Variants in LGR4 observed in about 807,000 individuals in gnomAD.
The protein encoded by LGR4 is leucine rich repeat containing G protein-coupled receptor 4.
In LGR4, 44 loss-of-function variants were observed where a neutral mutation model predicts 84.8. The ratio of observed to expected loss-of-function variants is 0.52; its 90% CI spans 0.41 to 0.67. The LOEUF is 0.67. LGR4 is among the 30% of genes least tolerant of loss of function. The probability of loss-of-function intolerance (pLI) is 0.00; values close to 1 mark genes in which losing one functional copy is unlikely to be tolerated. For missense variants in LGR4, 1,032 were observed against 1,131.4 expected, an observed-to-expected ratio of 0.91 and a Z score of 1.26; for synonymous variants, 429 against 434.3, an observed-to-expected ratio of 0.99 and a Z score of 0.15.
At chr11:27,376,030 G>A (rs1286739987) in intron 13 of LGR4, among the ~76,000 whole-genome samples, 2 of 147,246 alleles carry the variant, frequency 1.4e-5, no homozygotes, top group African/African-American at 2.5e-5. Context: ...AGCCTGGAGT[G>A]CAATGGCACA....
intron 1 of LGR4, among the ~76,000 whole-genome samples, chr11:27,450,094 T>A (rs1310756748): frequency 1.3e-5 from 2 of 152,248 alleles, no homozygotes; most frequent in Non-Finnish European, 2.9e-5. Flanking sequence ...AGTATTTTTA[T>A]TGTATAATAT....
intron 4 of LGR4, among the ~76,000 whole-genome samples, chr11:27,389,880 T>C (rs996162039): frequency 1.3e-5 from 2 of 152,118 alleles, no homozygotes; most frequent in Non-Finnish European, 2.9e-5. Flanking sequence ...CATACCCAAT[T>C]AGCTGTGGTG....
chr11:27,463,305 C>T (rs931808078), intron 1 of LGR4, among the ~76,000 whole-genome samples: 1 of 151,732 alleles, frequency 6.6e-6, no homozygotes. Context: ...GATGACATGA[C>T]CATGGACTCA....
chr11:27,413,243 G>A (rs1262683416), intron 1 of LGR4, among the ~76,000 whole-genome samples: 1 of 152,066 alleles, frequency 6.6e-6, no homozygotes, highest in African/African-American at 2.4e-5. Flanking sequence ...ATTTATAGGT[G>A]AGGGTGGCTT....
At chr11:27,406,731 T>C (rs1308759423) in intron 2 of LGR4, among the ~76,000 whole-genome samples, 1 of 152,186 alleles carries the variant, frequency 6.6e-6, no homozygotes, top group African/African-American at 2.4e-5. Context: ...CAAGTCATCC[T>C]ACCAGAGGGC....
intron 1 of LGR4, among the ~76,000 whole-genome samples, chr11:27,452,191 G>A (rs116911082): frequency 1.3e-5 from 2 of 152,140 alleles, no homozygotes; most frequent in Non-Finnish European, 2.9e-5. Flanking sequence ...TCTTCTTTAA[G>A]GGGTAAGGCC....
chr11:27,372,532 G>A (rs1565069050), intron 15 of LGR4, 134 bp from the exon 16 acceptor site: 3 of 592,950 alleles, frequency 5.1e-6, no homozygotes, highest in Non-Finnish European at 3.0e-6. Context: ...TAGGCTGGTC[G>A]TTCATCCTCT....
chr11:27,381,524 A>G (rs1456246289), intron 7 of LGR4, among the ~76,000 whole-genome samples: 2 of 152,114 alleles, frequency 1.3e-5, no homozygotes, highest in African/African-American at 4.8e-5. Flanking sequence ...TCTAGAAAAA[A>G]TTTAACAATT....
intron 12 of LGR4, 99 bp from the exon 13 acceptor site, chr11:27,376,469 ACTTT>A (rs1862983884): frequency 1.5e-5 from 8 of 548,898 alleles, no homozygotes; most frequent in Admixed American, 1.3e-4. Context: ...GAAAAAAGTT[ACTTT>A]CTATTTTGAA....
chr11:27,401,940 G>C (rs1055833373), intron 2 of LGR4, among the ~76,000 whole-genome samples: 2 of 152,210 alleles, frequency 1.3e-5, no homozygotes, highest in African/African-American at 4.8e-5. Flanking sequence ...GAGAAGTAGA[G>C]AGTGCAAGAG....
chr11:27,461,632 ATT>A (rs35154112), intron 1 of LGR4, among the ~76,000 whole-genome samples: 7 of 144,922 alleles, frequency 4.8e-5, no homozygotes, highest in African/African-American at 5.1e-5. Context: ...TTTTCTGCAC[ATT>A]TTTTTTTTTT....
rs1864889868 is a variant in LGR4 at position 27,472,180 on chromosome 11, C to T, written c.123G>A (p.Val41=). Residue 41 remains valine, a synonymous_variant, in exon 1 of 18, where the codon GTG becomes GTA. Transcript: ENST00000379214. ...APCSCDGDRR[V]DCSGKGLTAV... ...CCGTCAGCCCCTTCCCGGAGCAGTCCACCCGACGGTCGCCGTCGCAGCTGC... is the reference window on the plus strand; with the variant it reads ...CCGTCAGCCCCTTCCCGGAGCAGTCTACCCGACGGTCGCCGTCGCAGCTGC... 2.1e-6 allele frequency: 3 copies of T among 1,416,896 alleles called. No homozygotes were observed. Among genetic ancestry groups the T allele is most frequent in the African/African-American group, 1.5e-5 (1 of 66,820 alleles). The allele number at this position is 1,416,896 out of a possible 1,614,324, so 87.8% of individuals were successfully genotyped here. A position where few individuals can be genotyped will look rare whatever the true frequency, so the allele number is the denominator to read the frequency against.
chr11:27,439,076 T>C (rs553212059), intron 1 of LGR4, among the ~76,000 whole-genome samples: 4 of 152,222 alleles, frequency 2.6e-5, no homozygotes, highest in Non-Finnish European at 5.9e-5. Flanking sequence ...TATTGACATT[T>C]TCATAATGGA....
chr11:27,420,770 G>C (rs1219552755), intron 1 of LGR4, among the ~76,000 whole-genome samples: 1 of 152,052 alleles, frequency 6.6e-6, no homozygotes, highest in Non-Finnish European at 1.5e-5. Context: ...GTGTGTCTTG[G>C]GGGAAGGTGG....
intron 1 of LGR4, among the ~76,000 whole-genome samples, chr11:27,419,365 T>C (rs573574991): frequency 1.3e-5 from 2 of 151,744 alleles, no homozygotes; most frequent in Non-Finnish European, 2.9e-5. Context: ...TGAGACATGA[T>C]ACAACTTTTA....
At chr11:27,400,043 A>G (rs1863469473) in intron 2 of LGR4, among the ~76,000 whole-genome samples, 1 of 152,158 alleles carries the variant, frequency 6.6e-6, no homozygotes, top group South Asian at 2.1e-4. Flanking sequence ...CTATTATTAT[A>G]CAGGTTGAGC....
intron 9 of LGR4, 40 bp downstream of exon 9, chr11:27,380,600 G>A: frequency 7.7e-7 from 1 of 1,297,570 alleles, no homozygotes; most frequent in Non-Finnish European, 1.1e-6. Flanking sequence ...TAAAACAACT[G>A]TATAAATATC....
intron 1 of LGR4, among the ~76,000 whole-genome samples, chr11:27,450,999 T>C (rs1197362477): frequency 6.6e-6 from 1 of 152,192 alleles, no homozygotes; most frequent in Non-Finnish European, 1.5e-5. Context: ...AGGATTACTA[T>C]TTCTAGGTTA....
At chr11:27,429,482 C>CAA (rs200459847) in intron 1 of LGR4, among the ~76,000 whole-genome samples, 9 of 114,534 alleles carry the variant, frequency 7.9e-5, no homozygotes, top group African/African-American at 2.7e-4. Context: ...GATTCCATCT[C>CAA]AAAAAAAAAA....
Sources: gnomAD v4.1 joint callset for allele counts (sites outside exome capture counted in the v4.1 genomes callset) on GRCh38, gnomAD v4.1.1 for gene constraint, MANE v1.5 for transcripts, NCBI Gene and HGNC (gene_info 2026-07-23, HGNC 2026-07-21) for gene names.